The following CTNND2 variants were observed in gnomAD, a reference collection of about 807,000 sequenced individuals.
CTNND2 encodes catenin delta 2.
Under a neutral mutation model 144.4 loss-of-function variants are expected in CTNND2, and 22 were observed. That is an observed-to-expected ratio of 0.15 (90% CI 0.11 to 0.22). The LOEUF is 0.22. Ranked by LOEUF, CTNND2 falls within the 10% of genes least tolerant of loss-of-function variation. The probability of loss-of-function intolerance (pLI) is 1.00; values close to 1 mark genes in which losing one functional copy is unlikely to be tolerated. For synonymous variants in CTNND2, 751 were observed against 695.6 expected (o/e 1.08, Z -1.25); for missense variants, 1,353 against 1,618.8 (o/e 0.84, Z 2.82).
intron 1 of CTNND2, among the ~76,000 whole-genome samples, chr5:11,763,215 C>G (rs1190627657): frequency 6.6e-6 from 1 of 152,168 alleles, no homozygotes; most frequent in African/African-American, 2.4e-5. Flanking sequence ...GTATACTTTG[C>G]AGAACCATGA....
chr5:11,764,440 G>A (rs1323562824), intron 1 of CTNND2, among the ~76,000 whole-genome samples: 1 of 151,996 alleles, frequency 6.6e-6, no homozygotes, highest in Non-Finnish European at 1.5e-5. Context: ...GCTCCTCTTG[G>A]GATCAAAAAG....
intron 1 of CTNND2, among the ~76,000 whole-genome samples, chr5:11,843,978 G>A (rs928030637): frequency 1.3e-5 from 2 of 152,154 alleles, no homozygotes; most frequent in African/African-American, 4.8e-5. Context: ...AAACACTGCT[G>A]TCTTTAAGAA....
intron 1 of CTNND2, among the ~76,000 whole-genome samples, chr5:11,848,451 A>G (rs1460396141): frequency 6.6e-6 from 1 of 152,332 alleles, no homozygotes; most frequent in African/African-American, 2.4e-5. Flanking sequence ...ATGTTGTAGC[A>G]TGGGAAAATT....
chr5:11,637,827 G>A (rs571131399), intron 2 of CTNND2, among the ~76,000 whole-genome samples: 1 of 152,048 alleles, frequency 6.6e-6, no homozygotes, highest in East Asian at 1.9e-4. Flanking sequence ...CTAGTGAAAG[G>A]GGAGGAGGTT....
chr5:11,320,250 T>C (rs1054079645), intron 9 of CTNND2, among the ~76,000 whole-genome samples: 33 of 152,358 alleles, frequency 2.2e-4, no homozygotes, highest in Non-Finnish European at 4.6e-4. Context: ...TGGCAGGTTT[T>C]GACAGGAAAA....
chr5:11,718,611 TC>T (rs1440328554), intron 2 of CTNND2, among the ~76,000 whole-genome samples: 6 of 151,522 alleles, frequency 4.0e-5, no homozygotes, highest in Admixed American at 3.9e-4. Context: ...TAACACATTT[TC>T]TTTTTTTACA....
At chr5:11,168,771 T>C (rs1759607862) in intron 11 of CTNND2, among the ~76,000 whole-genome samples, 2 of 152,046 alleles carry the variant, frequency 1.3e-5, no homozygotes, top group Non-Finnish European at 1.5e-5. Context: ...TTAAATAAAG[T>C]AACTTAAGTT....
At chr5:11,370,851 T>C (rs1033222144) in intron 7 of CTNND2, among the ~76,000 whole-genome samples, 3 of 152,242 alleles carry the variant, frequency 2.0e-5, no homozygotes, top group African/African-American at 4.8e-5. Flanking sequence ...GCAGGCTTAA[T>C]GTGTTTGTGA....
intron 9 of CTNND2, among the ~76,000 whole-genome samples, chr5:11,283,630 T>C (rs1011809580): frequency 5.8e-5 from 7 of 120,064 alleles, no homozygotes; most frequent in African/African-American, 2.3e-4. Context: ...GCCAAGACTA[T>C]GCCATTGCAC....
At chr5:11,743,126 A>G (rs1354663915) in intron 1 of CTNND2, among the ~76,000 whole-genome samples, 10 of 152,230 alleles carry the variant, frequency 6.6e-5, no homozygotes, top group Admixed American at 6.5e-4. Context: ...CAGAAACTCA[A>G]TCTGTCTTGG....
At chr5:11,272,545 T>C (rs754057672) in intron 9 of CTNND2, among the ~76,000 whole-genome samples, 25 of 152,194 alleles carry the variant, frequency 1.6e-4, no homozygotes, top group Non-Finnish European at 3.4e-4. Context: ...CTATGGTTAT[T>C]ATAATTTATT....
intron 3 of CTNND2, among the ~76,000 whole-genome samples, chr5:11,543,618 A>C (rs1163922186): frequency 7.4e-6 from 1 of 135,814 alleles, no homozygotes; most frequent in Non-Finnish European, 1.5e-5. Context: ...CATATACATT[A>C]TATATCAGTA....
intron 11 of CTNND2, among the ~76,000 whole-genome samples, chr5:11,180,688 C>A (rs1156763289): frequency 4.6e-5 from 7 of 152,218 alleles, no homozygotes; most frequent in Non-Finnish European, 8.8e-5. Flanking sequence ...ACACTGATCT[C>A]TTTTCCATAT....
At chr5:11,196,813 C>G (rs1015102924) in intron 11 of CTNND2, among the ~76,000 whole-genome samples, 1 of 152,178 alleles carries the variant, frequency 6.6e-6, no homozygotes. Context: ...CTGGTGTAGA[C>G]ATCTCCGTGG....
intron 2 of CTNND2, among the ~76,000 whole-genome samples, chr5:11,646,197 A>C (rs1003880382): frequency 5.9e-5 from 9 of 151,752 alleles, no homozygotes; most frequent in African/African-American, 1.2e-4. Context: ...ATTACTGTGG[A>C]TAAAATATGC....
chr5:11,533,597 C>T (rs1386955151), intron 3 of CTNND2, among the ~76,000 whole-genome samples: 1 of 152,238 alleles, frequency 6.6e-6, no homozygotes, highest in Admixed American at 6.5e-5. Context: ...TCCATGGTAG[C>T]CCATGAAGCT....
intron 1 of CTNND2, among the ~76,000 whole-genome samples, chr5:11,786,579 T>C (rs1343197862): frequency 1.3e-5 from 2 of 152,206 alleles, no homozygotes; most frequent in Non-Finnish European, 2.9e-5. Flanking sequence ...TGTTTTCAGA[T>C]GCTAGACAGA....
At chr5:11,888,056 A>G (rs549051733) in intron 1 of CTNND2, among the ~76,000 whole-genome samples, 1 of 152,356 alleles carries the variant, frequency 6.6e-6, no homozygotes, top group South Asian at 2.1e-4. Context: ...AGCATATTCA[A>G]TCTGAAGTAA....
intron 2 of CTNND2, among the ~76,000 whole-genome samples, chr5:11,638,828 C>T (rs1781843246): frequency 6.6e-6 from 1 of 152,120 alleles, no homozygotes; most frequent in African/African-American, 2.4e-5. Flanking sequence ...CCCACCTCAG[C>T]CCCGCAAAGT....
Sources: allele counts gnomAD v4.1 joint callset (sites outside exome capture counted in the v4.1 genomes callset), GRCh38; gene constraint gnomAD v4.1.1; transcripts MANE v1.5; gene names NCBI Gene and HGNC (gene_info 2026-07-23, HGNC 2026-07-21).